Variants in ARHGAP26 observed in about 807,000 individuals in gnomAD.
ARHGAP26 encodes Rho GTPase activating protein 26.
ARHGAP26 carries 38 observed loss-of-function variants against 104.8 expected under a neutral mutation model. That is an observed-to-expected ratio of 0.36 (90% CI 0.28 to 0.48). The LOEUF (loss-of-function observed/expected upper bound fraction) is 0.48, where lower values mean the gene tolerates loss of function less well. Among genes scored for constraint, ARHGAP26 ranks in the 20% least tolerant of loss-of-function variants. ARHGAP26 has a pLI of 0.99. For synonymous variants in ARHGAP26, 341 were observed against 340.0 expected (o/e 1.00, Z -0.03); for missense variants, 704 against 947.9 (o/e 0.74, Z 3.38).
chr5:143,190,142 A>AT (rs1554263699), intron 20 of ARHGAP26, among the ~76,000 whole-genome samples: 1 of 152,188 alleles, frequency 6.6e-6, no homozygotes, highest in Non-Finnish European at 1.5e-5. Context: ...CAAAGAGGTA[A>AT]TTACAGCTTC....
At chr5:143,081,633 G>C (rs1051699049) in intron 17 of ARHGAP26, among the ~76,000 whole-genome samples, 1 of 152,198 alleles carries the variant, frequency 6.6e-6, no homozygotes, top group African/African-American at 2.4e-5. Flanking sequence ...AAGAATAATA[G>C]GATCCATCTC....
intron 1 of ARHGAP26, among the ~76,000 whole-genome samples, chr5:142,801,912 A>T (rs1762143468): frequency 6.6e-6 from 1 of 152,198 alleles, no homozygotes; most frequent in Admixed American, 6.5e-5. Context: ...ATCTGTGTGC[A>T]GAGTTGCCTT....
At chr5:143,151,164 A>G (rs1238459473) in intron 20 of ARHGAP26, among the ~76,000 whole-genome samples, 5 of 152,368 alleles carry the variant, frequency 3.3e-5, no homozygotes, top group Middle Eastern at 3.4e-3. Context: ...AAGCATATAA[A>G]AATATGATTC....
chr5:142,921,350 T>G (rs1251691610), intron 10 of ARHGAP26, among the ~76,000 whole-genome samples: 1 of 152,254 alleles, frequency 6.6e-6, no homozygotes, highest in Non-Finnish European at 1.5e-5. Flanking sequence ...TACAGTAATA[T>G]GTGCATATGG....
At chr5:143,100,143 G>A (rs1047427719) in intron 17 of ARHGAP26, among the ~76,000 whole-genome samples, 7 of 152,180 alleles carry the variant, frequency 4.6e-5, no homozygotes, top group African/African-American at 1.7e-4. Context: ...GAGCAAATGG[G>A]AAGAGGTCAT....
intron 20 of ARHGAP26, among the ~76,000 whole-genome samples, chr5:143,181,216 T>G (rs889126669): frequency 6.6e-6 from 1 of 152,310 alleles, no homozygotes; most frequent in Middle Eastern, 3.4e-3. Context: ...ATAAGAGTCT[T>G]TGATGGCCCC....
intron 11 of ARHGAP26, among the ~76,000 whole-genome samples, chr5:142,949,221 G>GA (rs71576158): frequency 0.22 from 2,119 of 9,546 alleles, 477 homozygotes; most frequent in East Asian, 0.5. Context: ...GAGAGAGAGA[G>GA]GAGAGAGAGA....
chr5:142,869,411 A>T (rs1052346970), intron 1 of ARHGAP26, among the ~76,000 whole-genome samples: 5 of 151,180 alleles, frequency 3.3e-5, no homozygotes, highest in African/African-American at 1.2e-4. Context: ...AGTAGAGATG[A>T]GGTTTCACTA....
chr5:142,801,214 C>CTT (rs1384112794), intron 1 of ARHGAP26, among the ~76,000 whole-genome samples: 1 of 152,172 alleles, frequency 6.6e-6, no homozygotes, highest in Admixed American at 6.5e-5. Flanking sequence ...GCTGTAGGAG[C>CTT]TTTTTGCATT....
intron 20 of ARHGAP26, among the ~76,000 whole-genome samples, chr5:143,181,893 T>C (rs1804430443): frequency 6.6e-6 from 1 of 152,212 alleles, no homozygotes; most frequent in Non-Finnish European, 1.5e-5. Flanking sequence ...ATCTAAACTG[T>C]TTCTCATGGT....
At chr5:142,900,340 G>A (rs1423418449) in intron 6 of ARHGAP26, among the ~76,000 whole-genome samples, 1 of 152,206 alleles carries the variant, frequency 6.6e-6, no homozygotes, top group African/African-American at 2.4e-5. Flanking sequence ...ATTTATGTTA[G>A]GGGTCTGTAT....
chr5:143,087,540 G>A (rs1054924403), intron 17 of ARHGAP26, among the ~76,000 whole-genome samples: 18 of 148,642 alleles, frequency 1.2e-4, no homozygotes, highest in African/African-American at 3.8e-4. Flanking sequence ...AGTAGCCTTC[G>A]AGTTCTTCAG....
At chr5:143,142,499 T>TA (rs10718611) in intron 19 of ARHGAP26, among the ~76,000 whole-genome samples, 155 of 149,666 alleles carry the variant, frequency 1.0e-3, no homozygotes, top group Middle Eastern at 3.5e-3. Flanking sequence ...AAGATTTTTT[T>TA]AAAAAAAAAA....
At chr5:143,005,644 A>G (rs1388305248) in intron 11 of ARHGAP26, among the ~76,000 whole-genome samples, 21 of 152,236 alleles carry the variant, frequency 1.4e-4, no homozygotes, top group Non-Finnish European at 4.4e-5. Context: ...TTACTGAGGA[A>G]TAATACTAAG....
intron 17 of ARHGAP26, among the ~76,000 whole-genome samples, chr5:143,110,586 ACCT>A (rs1326937175): frequency 6.6e-6 from 1 of 152,096 alleles, no homozygotes; most frequent in East Asian, 1.9e-4. Context: ...CAACTTTTAA[ACCT>A]CCTCTATTTA....
chr5:143,228,673 T>C lies in ARHGAP26; in HGVS notation c.*6227T>C, dbSNP rs1811845229. The stretch of plus-strand genomic sequence containing the variant: ...GCTGTGTGATATAATATCAATAAAG[T>C]ACTTATTAAATGGCACTTTAATGTT... On this transcript the variant is annotated 3_prime_UTR_variant, in exon 23 of 23. Coordinates refer to ENST00000645722, the MANE Select transcript of ARHGAP26 (RefSeq NM_001135608.3). 4.8e-6 allele frequency: 1 copy of C among 207,760 alleles called. No individual in the cohort carries two copies. Among genetic ancestry groups the C allele is most frequent in the Non-Finnish European group, 9.8e-6 (1 of 101,750 alleles). The allele number at this position is 207,760 out of a possible 1,614,324, so 12.9% of individuals were successfully genotyped here.
chr5:142,965,514 G>T (rs988667636), intron 11 of ARHGAP26, among the ~76,000 whole-genome samples: 6 of 152,214 alleles, frequency 3.9e-5, no homozygotes, highest in Non-Finnish European at 8.8e-5. Context: ...TCACACTCTT[G>T]TCTTCTGGTC....
chr5:142,893,189 G>T (rs1758938234), intron 5 of ARHGAP26, among the ~76,000 whole-genome samples: 1 of 151,942 alleles, frequency 6.6e-6, no homozygotes, highest in Non-Finnish European at 1.5e-5. Context: ...TGTTGGCCAG[G>T]ATTGTCTCGA....
intron 1 of ARHGAP26, among the ~76,000 whole-genome samples, chr5:142,833,220 ATT>A (rs779035161): frequency 2.3e-4 from 31 of 133,486 alleles, no homozygotes; most frequent in Non-Finnish European, 1.5e-4. Context: ...CACCCGGCTA[ATT>A]TTTTTTTTTT....
Sources: allele counts gnomAD v4.1 joint callset (sites outside exome capture counted in the v4.1 genomes callset), GRCh38; gene constraint gnomAD v4.1.1; transcripts MANE v1.5; gene names NCBI Gene and HGNC (gene_info 2026-07-23, HGNC 2026-07-21).